The following GFRA2 variants were observed in gnomAD, a reference collection of about 807,000 sequenced individuals.
GFRA2 encodes GDNF family receptor alpha-2.
Under a neutral mutation model 48.3 loss-of-function variants are expected in GFRA2, and 17 were observed. That is an observed-to-expected ratio of 0.35 (90% CI 0.24 to 0.53). The LOEUF (loss-of-function observed/expected upper bound fraction) is 0.53, where lower values mean the gene tolerates loss of function less well. GFRA2 is among the 20% of genes least tolerant of loss of function. GFRA2 has a pLI of 0.93. For synonymous variants in GFRA2, 305 were observed against 257.2 expected, an observed-to-expected ratio of 1.19 and a Z score of -1.78; for missense variants, 660 against 637.3, an observed-to-expected ratio of 1.04 and a Z score of -0.38.
At chr8:21,794,590 T>A (rs906359166) in intron 2 of GFRA2, among the ~76,000 whole-genome samples, 3 of 152,200 alleles carry the variant, frequency 2.0e-5, no homozygotes, top group Non-Finnish European at 4.4e-5. Context: ...ATAAAATATT[T>A]ACTGTGGACC....
chr8:21,774,539 C>G (rs1806598275), intron 3 of GFRA2, among the ~76,000 whole-genome samples: 1 of 152,188 alleles, frequency 6.6e-6, no homozygotes, highest in African/African-American at 2.4e-5. Flanking sequence ...ACCCACTGAC[C>G]CACTTAGACC....
chr8:21,750,492 A>T lies in GFRA2; in HGVS notation c.794+96T>A. On this transcript the variant is annotated intron_variant, in intron 4 of 8. Transcript: ENST00000524240. The surrounding 1 kb of genome is among the most constrained non-coding windows in gnomAD (Gnocchi z 5.7). The stretch of plus-strand genomic sequence containing the variant: ...CCCTTTCTGCTGGACTCAGGGTCAT[A>T]ATTCGATGCACCCAAGGAATGCAGA... 3.0e-6 allele frequency: 2 copies of T among 676,832 alleles called. No individual in the cohort carries two copies. The highest frequency in any genetic ancestry group is 5.1e-6 in the Non-Finnish European group (2 of 395,030). The allele number at this position is 676,832 out of a possible 1,614,324, so 41.9% of individuals were successfully genotyped here. A position where few individuals can be genotyped will look rare whatever the true frequency, so the allele number is the denominator to read the frequency against.
At chr8:21,806,543 G>A (rs747376577) in intron 1 of GFRA2, among the ~76,000 whole-genome samples, 10 of 152,254 alleles carry the variant, frequency 6.6e-5, no homozygotes, top group East Asian at 3.9e-4. Context: ...ATAGCTCACC[G>A]CAGCCCAGGA....
intron 4 of GFRA2, among the ~76,000 whole-genome samples, chr8:21,747,817 AACATGCACATGCACACAGGCATAC>A (rs1563244332): frequency 1.3e-5 from 2 of 148,738 alleles, no homozygotes; most frequent in Non-Finnish European, 3.0e-5. Context: ...CACACACATA[AACATGCACATGCACACAGGCATAC>A]ACATACACAT....
intron 7 of GFRA2, among the ~76,000 whole-genome samples, chr8:21,695,348 C>A (rs1283520832): frequency 6.6e-6 from 1 of 152,184 alleles, no homozygotes; most frequent in Non-Finnish European, 1.5e-5. Flanking sequence ...TCCCAGGGCA[C>A]TTCCAGGGAA....
chr8:21,811,756 C>A (rs1199918400), intron 1 of GFRA2, among the ~76,000 whole-genome samples: 1 of 151,280 alleles, frequency 6.6e-6, no homozygotes, highest in Non-Finnish European at 1.5e-5. Flanking sequence ...CAACCTCCAG[C>A]CCCCTCATTG....
At position 21,750,088 on chromosome 8, in the gene GFRA2, T is replaced by TACAC. The variant is rs531507245; in HGVS notation, c.794+496_794+499dup. On this transcript the variant is annotated intron_variant, in intron 4 of 8. Coordinates refer to ENST00000524240, the MANE Select transcript of GFRA2 (RefSeq NM_001495.5). This position sits in a 1 kb window ranked among gnomAD's most constrained non-coding sequence, Gnocchi z 5.7. ...GTGTATATATGTGTGTGTGTGTGTA[T>TACAC]ACACACACACACACACACACACGCA... Among the ~76,000 whole-genome samples the TACAC allele has an allele frequency of 8.0e-3, 1,187 of 147,558 alleles. 13 individuals carry two copies. The highest frequency in any genetic ancestry group is 0.026 in the African/African-American group (1,044 of 40,266).
chr8:21,716,307 A>AG (rs1301261379), intron 4 of GFRA2, among the ~76,000 whole-genome samples: 3 of 80,208 alleles, frequency 3.7e-5, no homozygotes, highest in African/African-American at 8.5e-5. Flanking sequence ...TGGGAAACAA[A>AG]GAAAAAAAAA....
At chr8:21,770,185 C>T (rs1806376427) in intron 3 of GFRA2, among the ~76,000 whole-genome samples, 1 of 152,218 alleles carries the variant, frequency 6.6e-6, no homozygotes, top group East Asian at 1.9e-4. Context: ...ACTATCCCAG[C>T]GTGAAAGGTG....
intron 1 of GFRA2, among the ~76,000 whole-genome samples, chr8:21,787,342 C>T (rs1326050914): frequency 1.3e-5 from 2 of 152,128 alleles, no homozygotes; most frequent in East Asian, 1.9e-4. Flanking sequence ...GCCTCCCACC[C>T]TCTTCAACGG....
At chr8:21,744,182 C>T (rs1170483747) in intron 4 of GFRA2, among the ~76,000 whole-genome samples, 1 of 152,210 alleles carries the variant, frequency 6.6e-6, no homozygotes, top group Non-Finnish European at 1.5e-5. Flanking sequence ...GAACACCCCC[C>T]ATGCTGGGCA....
chr8:21,696,052 CCCCT>C (rs1802150855), intron 7 of GFRA2, among the ~76,000 whole-genome samples: 1 of 142,964 alleles, frequency 7.0e-6, no homozygotes, highest in African/African-American at 2.6e-5. Flanking sequence ...TCTCCTTTGT[CCCCT>C]CCCCATCTCC....
At chr8:21,808,588 G>T (rs144286953) in intron 1 of GFRA2, among the ~76,000 whole-genome samples, 30 of 152,304 alleles carry the variant, frequency 2.0e-4, no homozygotes, top group African/African-American at 5.5e-4. Context: ...AGCCTCCAGC[G>T]CAGGTCCAGG....
chr8:21,726,287 T>C (rs1262647003), intron 4 of GFRA2, among the ~76,000 whole-genome samples: 2 of 152,080 alleles, frequency 1.3e-5, no homozygotes, highest in African/African-American at 4.8e-5. Context: ...GGGTATTAAT[T>C]GTCATGAAGG....
At chr8:21,736,051 C>G (rs745337118) in intron 4 of GFRA2, among the ~76,000 whole-genome samples, 1 of 152,232 alleles carries the variant, frequency 6.6e-6, no homozygotes, top group Non-Finnish European at 1.5e-5. Flanking sequence ...CTCCCTTCAC[C>G]TTGGGAAGTC....
chr8:21,790,459 G>A (rs1014977216), upstream of GFRA2, among the ~76,000 whole-genome samples: 2 of 152,166 alleles, frequency 1.3e-5, no homozygotes, highest in South Asian at 2.1e-4. Flanking sequence ...AGAAGGGAGG[G>A]GTCACTAACA....
At chr8:21,714,805 C>T (rs1164784263) in intron 4 of GFRA2, among the ~76,000 whole-genome samples, 1 of 152,124 alleles carries the variant, frequency 6.6e-6, no homozygotes, top group African/African-American at 2.4e-5. Flanking sequence ...CGGTGGCTGA[C>T]ACAAACAAGG....
chr8:21,775,989 C>CTGTGTGTGTGTGTGTGTG (rs200687629), intron 2 of GFRA2, among the ~76,000 whole-genome samples: 8 of 126,400 alleles, frequency 6.3e-5, no homozygotes, highest in African/African-American at 9.4e-5. Flanking sequence ...CACTCATCCT[C>CTGTGTGTGTGTGTGTGTG]TGTGTGTGTG....
intron 4 of GFRA2, among the ~76,000 whole-genome samples, chr8:21,730,763 C>T (rs1357216442): frequency 1.3e-5 from 2 of 152,202 alleles, no homozygotes; most frequent in Non-Finnish European, 2.9e-5. Context: ...CCTCCCAGGG[C>T]AGCACGTGCT....
Sources: gnomAD v4.1 joint callset for allele counts (sites outside exome capture counted in the v4.1 genomes callset) on GRCh38, gnomAD v4.1.1 for gene constraint, Gnocchi (gnomAD v3.1) non-coding constraint, MANE v1.5 for transcripts, NCBI Gene and HGNC (gene_info 2026-07-23, HGNC 2026-07-21) for gene names.